The following COL15A1 variants were observed in gnomAD, a reference collection of about 807,000 sequenced individuals.
COL15A1 encodes collagen alpha-1(XV) chain.
A neutral mutation model predicts 165.9 loss-of-function variants in COL15A1; 111 were observed. The observed-to-expected ratio is 0.67, with a 90% CI of 0.57 to 0.78. The LOEUF is 0.78. Ranked by LOEUF, COL15A1 falls within the 30% of genes least tolerant of loss-of-function variation. The pLI, the probability that COL15A1 is intolerant of heterozygous loss-of-function variation, is 0.00. For synonymous variants in COL15A1, 659 were observed against 674.8 expected, an observed-to-expected ratio of 0.98 and a Z score of 0.36; for missense variants, 1,745 against 1,789.7, an observed-to-expected ratio of 0.98 and a Z score of 0.45.
Position 99,054,605 on chromosome 9 carries a change from C to T in COL15A1, c.2980C>T (p.Leu994Phe). Residue 994 changes from leucine (L) to phenylalanine (F), a missense_variant, in exon 32 of 42, where the codon CTT (leucine) becomes TTT (phenylalanine). Transcript: ENST00000375001. Reference protein sequence around the residue: ...GVKGEKGSWGLPGSKGEKGDQ... With the variant: ...GVKGEKGSWGFPGSKGEKGDQ... ...TAAAGGAGAGAAAGGATCCTGGGGT[C>T]TTCCTGGCTCAAAGGGAGAAAAAGG... The T allele has an allele frequency of 2.5e-6, 4 of 1,613,250 alleles. No homozygotes were observed. The highest frequency in any genetic ancestry group is 1.1e-5 in the South Asian group (1 of 90,938).
intron 35 of COL15A1, among the ~76,000 whole-genome samples, chr9:99,058,489 G>T (rs948284981): frequency 6.6e-6 from 1 of 152,192 alleles, no homozygotes; most frequent in African/African-American, 2.4e-5. Context: ...ACTACAGGAG[G>T]TGGAGGCATA....
chr9:98,950,957 G>A (rs1185772099), intron 2 of COL15A1, among the ~76,000 whole-genome samples: 1 of 152,148 alleles, frequency 6.6e-6, no homozygotes. Flanking sequence ...AGTGCTTCTT[G>A]GCCACCATCT....
At chr9:99,056,548 A>G in intron 35 of COL15A1, 144 bp downstream of exon 35, 2 of 1,299,318 alleles carry the variant, frequency 1.5e-6, no homozygotes, top group East Asian at 2.6e-5. Flanking sequence ...TTTAATTGAG[A>G]TACAATTTGC....
intron 5 of COL15A1, among the ~76,000 whole-genome samples, chr9:98,996,484 G>A (rs909043275): frequency 7.9e-5 from 12 of 152,194 alleles, no homozygotes; most frequent in African/African-American, 2.7e-4. Context: ...AAGTTTCCTC[G>A]GAAGGAACCA....
Position 98,972,321 on chromosome 9 carries a change from C to G in COL15A1, c.101-13244C>G, listed in dbSNP as rs140732366. 7.3e-3 allele frequency among the ~76,000 whole-genome samples: 1,113 copies of G among 152,170 alleles called. 3 individuals are homozygous for G. The highest frequency in any genetic ancestry group is 0.015 in the South Asian group (73 of 4,818). On this transcript the variant is annotated intron_variant, in intron 2 of 41. Coordinates refer to ENST00000375001, the MANE Select transcript of COL15A1 (RefSeq NM_001855.5). ...GACGCAGGCAAGACCCTGAAAGACT[C>G]TGATTCCATAGGCCCAAGCAGGAGG...
intron 2 of COL15A1, among the ~76,000 whole-genome samples, chr9:98,983,525 G>A (rs774608610): frequency 2.0e-5 from 3 of 152,140 alleles, no homozygotes; most frequent in Non-Finnish European, 2.9e-5. Flanking sequence ...GCAGTTAATT[G>A]CCAGGGCTGC....
intron 26 of COL15A1, among the ~76,000 whole-genome samples, chr9:99,045,303 C>T: frequency 6.6e-6 from 1 of 152,182 alleles, no homozygotes; most frequent in East Asian, 1.9e-4. Context: ...AAAGGAACCC[C>T]ACAAAACCTC....
rs753737715 is a variant in COL15A1 at position 99,023,489 on chromosome 9, C to A, written c.1854+40C>A. 1.4e-5 allele frequency: 13 copies of A among 945,678 alleles called. No individual in the cohort carries two copies. The East Asian group carries it at 3.1e-4, about 23-fold the overall frequency. 58.6% of individuals were successfully genotyped at this position (945,678 alleles called of 1,614,324 possible). A position where few individuals can be genotyped will look rare whatever the true frequency, so the allele number is the denominator to read the frequency against. ...GGACACGACCTGGTGTCTGGGACTG[C>A]CTTCAAAATAACCCCAGAGGGAGGG... On this transcript the variant is annotated intron_variant, in intron 14 of 41. Transcript: ENST00000375001.
chr9:99,022,172 G>A (rs113452506), intron 13 of COL15A1, 22 bp downstream of exon 13: 1 of 1,613,988 alleles, frequency 6.2e-7, no homozygotes, highest in African/African-American at 1.3e-5. Flanking sequence ...ATCCAGGCTT[G>A]TCACACACAC....
At chr9:99,005,792 C>G (rs1004651632) in intron 9 of COL15A1, among the ~76,000 whole-genome samples, 4 of 152,198 alleles carry the variant, frequency 2.6e-5, no homozygotes, top group Admixed American at 6.5e-5. Flanking sequence ...GTCCCCAGCC[C>G]GGGCAATTGC....
intron 30 of COL15A1, among the ~76,000 whole-genome samples, chr9:99,050,467 G>A (rs1163192003): frequency 6.6e-6 from 1 of 152,176 alleles, no homozygotes; most frequent in Non-Finnish European, 1.5e-5. Context: ...GGCAGCAGGT[G>A]CAGACACTGG....
intron 6 of COL15A1, among the ~76,000 whole-genome samples, chr9:98,999,989 G>C (rs922046807): frequency 1.3e-5 from 2 of 151,876 alleles, no homozygotes; most frequent in Non-Finnish European, 2.9e-5. Context: ...TCCTGCCTTG[G>C]CCTCCCAAGT....
chr9:99,015,544 C>T lies in COL15A1; in HGVS notation c.1481C>T (p.Ala494Val), dbSNP rs1263785600. The change falls in exon 10 of 42, where the codon GCC (alanine) becomes GTC (valine). Residue 494 changes from alanine to valine, a missense_variant. Coordinates refer to ENST00000375001, the MANE Select transcript of COL15A1 (RefSeq NM_001855.5). Reference protein sequence around the residue: ...DGLAPLTATMAPERAVTSGPG... With the variant: ...DGLAPLTATMVPERAVTSGPG... The stretch of plus-strand genomic sequence containing the variant: ...CTGGCTCCCCTCACAGCCACCATGG[C>T]CCCTGAGCGGGCAGTCACTTCTGTA... 4 of 1,613,702 alleles carry T rather than the reference C, an allele frequency of 2.5e-6. No homozygotes were observed. The Admixed American group carries it at 5.0e-5, about 20-fold the overall frequency.
chr9:99,006,152 A>G (rs1232244137), intron 9 of COL15A1, among the ~76,000 whole-genome samples: 5 of 152,124 alleles, frequency 3.3e-5, no homozygotes, highest in Admixed American at 1.3e-4. Flanking sequence ...TTCAGCTCAA[A>G]CACCACTTCC....
At position 99,024,285 on chromosome 9, in the gene COL15A1, G is replaced by GT. The variant is rs1016769818; in HGVS notation, c.1855-576dup. On this transcript the variant is annotated intron_variant, in intron 14 of 41. Coordinates refer to ENST00000375001, the MANE Select transcript of COL15A1 (RefSeq NM_001855.5). ...CACAAGCAGTTTTTTTTGTTTTTTT[G>GT]TTTTTTTTTTTTTGAGATGGAGTCT... Among the ~76,000 whole-genome samples, 226 of 129,476 alleles carry GT rather than the reference G, an allele frequency of 1.7e-3. 2 individuals are homozygous for GT. The highest frequency in any genetic ancestry group is 2.9e-3 in the African/African-American group (95 of 33,142). The allele number at this position is 129,476 out of a possible 152,430, so 84.9% of individuals were successfully genotyped here. A position where few individuals can be genotyped will look rare whatever the true frequency, so the allele number is the denominator to read the frequency against.
chr9:99,049,454 T>A (rs1412557870), intron 28 of COL15A1, among the ~76,000 whole-genome samples: 1 of 152,210 alleles, frequency 6.6e-6, no homozygotes, highest in Admixed American at 6.5e-5. Flanking sequence ...CCTCATTAGC[T>A]GCATGTGTTA....
rs190573326 is a variant in COL15A1 at position 98,982,653 on chromosome 9, T to G, written c.101-2912T>G. ...ATGATGATGGCTGCCTTTTTTCTTT[T>G]TTTTTTTAGACAGGGTCTCGCTCTG... On this transcript the variant is annotated intron_variant, in intron 2 of 41. Coordinates refer to ENST00000375001, the MANE Select transcript of COL15A1 (RefSeq NM_001855.5). 2.0e-3 allele frequency among the ~76,000 whole-genome samples: 303 copies of G among 151,976 alleles called. 3 individuals carry two copies. The highest frequency in any genetic ancestry group is 7.0e-3 in the African/African-American group (291 of 41,454).
At chr9:99,026,662 A>G (rs1389321135) in intron 16 of COL15A1, among the ~76,000 whole-genome samples, 1 of 152,154 alleles carries the variant, frequency 6.6e-6, no homozygotes, top group African/African-American at 2.4e-5. Flanking sequence ...GCCTTTGCAC[A>G]TGGTTTTCTC....
At position 99,024,276 on chromosome 9, in the gene COL15A1, TGTTTTTTTG is replaced by T. The variant is rs1216923876; in HGVS notation, c.1855-597_1855-589del. ...AGGCTACACCACAAGCAGTTTTTTT[TGTTTTTTTG>T]TTTTTTTTTTTTTGAGATGGAGTCT... On this transcript the variant is annotated intron_variant, in intron 14 of 41. Coordinates refer to ENST00000375001, the MANE Select transcript of COL15A1 (RefSeq NM_001855.5). 7.1e-4 allele frequency among the ~76,000 whole-genome samples: 101 copies of T among 141,428 alleles called. 12 individuals carry two copies. The highest frequency in any genetic ancestry group is 2.0e-3 in the African/African-American group (72 of 36,388). The allele number at this position is 141,428 out of a possible 152,430, so 92.8% of individuals were successfully genotyped here.
Sources: gnomAD v4.1 joint callset for allele counts (sites outside exome capture counted in the v4.1 genomes callset) on GRCh38, gnomAD v4.1.1 for gene constraint, MANE v1.5 for transcripts, NCBI Gene and HGNC (gene_info 2026-07-23, HGNC 2026-07-21) for gene names.